The following LGALS2 variants were observed in gnomAD, a reference collection of about 807,000 sequenced individuals.
The protein encoded by LGALS2 is galectin 2.
Under a neutral mutation model 10.1 loss-of-function variants are expected in LGALS2, and 7 were observed. That is an observed-to-expected ratio of 0.70 (90% confidence interval 0.40 to 1.31). The LOEUF (loss-of-function observed/expected upper bound fraction) is 1.31, where lower values mean the gene tolerates loss of function less well. Among genes scored for constraint, LGALS2 ranks in the 50% most tolerant of loss-of-function variants. LGALS2 has a pLI of 0.01. For missense variants in LGALS2, 167 were observed against 163.6 expected, an observed-to-expected ratio of 1.02 and a Z score of -0.11; for synonymous variants, 86 against 64.2, an observed-to-expected ratio of 1.34 and a Z score of -1.63.
intron 1 of LGALS2, 84 bp from the exon 2 acceptor site, chr22:37,572,015 C>G (rs1569181712): frequency 8.9e-7 from 1 of 1,119,956 alleles, no homozygotes; most frequent in Non-Finnish European, 1.4e-6. Context: ...CACCTCATGC[C>G]AACCCAGCTG....
At chr22:37,575,482 T>TA in intron 1 of LGALS2, among the ~76,000 whole-genome samples, 1 of 151,992 alleles carries the variant, frequency 6.6e-6, no homozygotes, top group East Asian at 1.9e-4. Flanking sequence ...CATTTTTTTT[T>TA]AAAGGTCTTG....
intron 1 of LGALS2, among the ~76,000 whole-genome samples, chr22:37,577,018 C>A (rs1180673741): frequency 6.6e-6 from 1 of 152,046 alleles, no homozygotes; most frequent in Non-Finnish European, 1.5e-5. Flanking sequence ...GGGGCCCAGA[C>A]TCTAGTGCCG....
chr22:37,576,439 G>A (rs962315296), intron 1 of LGALS2, among the ~76,000 whole-genome samples: 3 of 115,900 alleles, frequency 2.6e-5, no homozygotes, highest in South Asian at 2.9e-4. Flanking sequence ...GCGACAGAGC[G>A]AGACTCCGTC....
chr22:37,571,932 CT>C lies in LGALS2; in HGVS notation c.7-2del. On this transcript the variant is annotated splice_acceptor_variant, in intron 1 of 3. Transcript: ENST00000215886. LOFTEE classifies it high-confidence loss of function. ...CCATGTTCTTAACCTCAAGTTCCCCCTGGGCCAACAGAGAAACATTCCACTC... is the reference window on the plus strand; with the variant it reads ...CCATGTTCTTAACCTCAAGTTCCCCCGGGCCAACAGAGAAACATTCCACTC... 6.2e-7 allele frequency: 1 copy of C among 1,613,492 alleles called. No homozygotes were observed. The highest frequency in any genetic ancestry group is 1.1e-5 in the South Asian group (1 of 91,078).
At chr22:37,577,955 C>A in intron 1 of LGALS2, among the ~76,000 whole-genome samples, 1 of 152,230 alleles carries the variant, frequency 6.6e-6, no homozygotes, top group East Asian at 1.9e-4. Flanking sequence ...CCCTGTAGCA[C>A]CTTGGTTTCA....
At chr22:37,578,279 T>C (rs1214523088) in intron 1 of LGALS2, among the ~76,000 whole-genome samples, 1 of 152,072 alleles carries the variant, frequency 6.6e-6, no homozygotes, top group African/African-American at 2.4e-5. Context: ...TCTCCAAGAC[T>C]TGGGTTTTGT....
At chr22:37,577,390 C>T (rs901813307) in intron 1 of LGALS2, among the ~76,000 whole-genome samples, 1 of 149,384 alleles carries the variant, frequency 6.7e-6, no homozygotes, top group African/African-American at 2.5e-5. Context: ...CACTCTGTCA[C>T]CTAGGCTGGA....
intron 1 of LGALS2, among the ~76,000 whole-genome samples, chr22:37,574,703 A>T (rs143410397): frequency 2.0e-5 from 3 of 152,096 alleles, no homozygotes; most frequent in Admixed American, 6.6e-5. Flanking sequence ...GAATGAGCTC[A>T]TTGGACTGGG....
chr22:37,578,368 C>T (rs1925747538), intron 1 of LGALS2, among the ~76,000 whole-genome samples: 1 of 152,134 alleles, frequency 6.6e-6, no homozygotes, highest in South Asian at 2.1e-4. Context: ...ACTGTAGCCT[C>T]GACCTCCTGG....
intron 1 of LGALS2, among the ~76,000 whole-genome samples, chr22:37,579,616 T>C (rs1016968394): frequency 6.6e-6 from 1 of 152,090 alleles, no homozygotes; most frequent in African/African-American, 2.4e-5. Flanking sequence ...ATTTTTTTAG[T>C]AGAGACGGGG....
intron 1 of LGALS2, among the ~76,000 whole-genome samples, chr22:37,579,247 C>CA (rs111697536): frequency 4.5e-4 from 15 of 33,580 alleles, no homozygotes; most frequent in East Asian, 1.6e-3. Flanking sequence ...GACTCCATCT[C>CA]AAAAAAAAAA....
intron 1 of LGALS2, among the ~76,000 whole-genome samples, chr22:37,578,184 T>G (rs1428780000): frequency 6.6e-6 from 1 of 152,234 alleles, no homozygotes; most frequent in Non-Finnish European, 1.5e-5. Context: ...TGGCAGAGTC[T>G]GGTGTAGAAT....
chr22:37,576,221 G>T (rs1231421443), intron 1 of LGALS2, among the ~76,000 whole-genome samples: 2 of 152,060 alleles, frequency 1.3e-5, no homozygotes, highest in African/African-American at 4.8e-5. Flanking sequence ...GGGAGGCCGA[G>T]GGGGGCGGAT....
At chr22:37,572,839 C>G (rs779480492) in intron 1 of LGALS2, among the ~76,000 whole-genome samples, 1 of 150,518 alleles carries the variant, frequency 6.6e-6, no homozygotes, top group Admixed American at 6.6e-5. Context: ...CGCATGGTGG[C>G]GGGCGCCTGT....
chr22:37,571,527 C>G (rs1337819314), intron 2 of LGALS2, among the ~76,000 whole-genome samples: 3 of 152,144 alleles, frequency 2.0e-5, no homozygotes, highest in African/African-American at 7.2e-5. Context: ...GGTGGTGTCT[C>G]TGGGGATTTG....
rs1365785420 is a variant in LGALS2 at position 37,576,288 on chromosome 22, T to C, written c.6+3612A>G. Among the ~76,000 whole-genome samples the C allele has an allele frequency of 2.0e-5, 3 of 151,534 alleles. 1 individual carries two copies. Among genetic ancestry groups the C allele is most frequent in the African/African-American group, 7.3e-5 (3 of 41,240 alleles). On this transcript the variant is annotated intron_variant, in intron 1 of 3. Transcript: ENST00000215886. ...TAACACGGTGAAACCCTGTCTCTAC[T>C]AAAAATACAAAAAATTAGCCGGGCG...
rs77346233 is a variant in LGALS2 at position 37,572,056 on chromosome 22, C to T, written c.7-125G>A. ...CTCAATCCCCCTGCCCACGTGAGGA[C>T]GCAGGAGACCACCAAGCTGGAAAGT... is the stretch of plus-strand genomic sequence containing the variant. On this transcript the variant is annotated intron_variant, in intron 1 of 3. Transcript: ENST00000215886. 7.9e-3 allele frequency: 5,857 copies of T among 743,680 alleles called. 51 individuals carry two copies. Among genetic ancestry groups the T allele is most frequent in the Non-Finnish European group, 8.2e-3 (3,488 of 427,372 alleles). The allele number at this position is 743,680 out of a possible 1,614,324, so 46.1% of individuals were successfully genotyped here. A position where few individuals can be genotyped will look rare whatever the true frequency, so the allele number is the denominator to read the frequency against.
rs1280933043 is a variant in LGALS2 at position 37,570,512 on chromosome 22, GCT to G, written c.249+62_249+63del. On this transcript the variant is annotated intron_variant, in intron 3 of 3. Coordinates refer to ENST00000215886, the MANE Select transcript of LGALS2 (RefSeq NM_006498.3). ...AGGCCAGCACCTGTGTCCAGGCCAG[GCT>G]CTCTTCCATCTGGGCCCTCCCCTTG... 1.1e-5 allele frequency: 18 copies of G among 1,608,784 alleles called. No individual in the cohort carries two copies. The African/African-American group carries it at 2.3e-4, about 20-fold the overall frequency.
At chr22:37,570,452 G>T (rs1925458992) in intron 3 of LGALS2, 40 bp from the exon 4 acceptor site, 1 of 1,608,374 alleles carries the variant, frequency 6.2e-7, no homozygotes, top group South Asian at 1.1e-5. Context: ...GGAGGCCCTG[G>T]AAATGGGCCA....
Sources: allele counts gnomAD v4.1 joint callset (sites outside exome capture counted in the v4.1 genomes callset), GRCh38; gene constraint gnomAD v4.1.1; transcripts MANE v1.5; gene names NCBI Gene and HGNC (gene_info 2026-07-23, HGNC 2026-07-21).